MAP1B: variants seen among roughly 807,000 people sequenced by gnomAD.
MAP1B encodes microtubule-associated protein 1B.
In MAP1B, 12 loss-of-function variants were observed where a neutral mutation model predicts 176.1. That is an observed-to-expected ratio of 0.07 (90% CI 0.04 to 0.11). MAP1B has a LOEUF of 0.11. Ranked by LOEUF, MAP1B falls within the 10% of genes least tolerant of loss-of-function variation. The pLI, the probability that MAP1B is intolerant of heterozygous loss-of-function variation, is 1.00. For missense variants in MAP1B, 2,523 were observed against 2,990.5 expected, an observed-to-expected ratio of 0.84 and a Z score of 3.65; for synonymous variants, 1,044 against 1,135.0, an observed-to-expected ratio of 0.92 and a Z score of 1.61.
At chr5:72,118,553 A>G (rs1745471670) in intron 2 of MAP1B, among the ~76,000 whole-genome samples, 1 of 152,122 alleles carries the variant, frequency 6.6e-6, no homozygotes, top group Non-Finnish European at 1.5e-5. Flanking sequence ...TCATATACAG[A>G]CCAACATAAA....
chr5:72,159,088 AG>A (rs1434051447), intron 2 of MAP1B, among the ~76,000 whole-genome samples: 2 of 152,192 alleles, frequency 1.3e-5, no homozygotes, highest in African/African-American at 2.4e-5. Flanking sequence ...CCAAGGTCAT[AG>A]TTAGCAAGTT....
intron 2 of MAP1B, among the ~76,000 whole-genome samples, chr5:72,171,744 G>A (rs1350638655): frequency 6.6e-6 from 1 of 152,172 alleles, no homozygotes; most frequent in Admixed American, 6.5e-5. Context: ...GTAGAATCAG[G>A]ACTGTGCCCC....
chr5:72,145,565 C>T (rs2112159338), intron 2 of MAP1B, among the ~76,000 whole-genome samples: 1 of 152,246 alleles, frequency 6.6e-6, no homozygotes, highest in Middle Eastern at 3.4e-3. Context: ...TGTAATTATT[C>T]AGTGTTTGCA....
intron 2 of MAP1B, among the ~76,000 whole-genome samples, chr5:72,150,388 C>A (rs1269481019): frequency 6.6e-6 from 1 of 152,180 alleles, no homozygotes. Flanking sequence ...GCCGAAATGA[C>A]CCCAAACATT....
intron 2 of MAP1B, among the ~76,000 whole-genome samples, chr5:72,143,673 G>T (rs77298847): frequency 1.8e-3 from 275 of 152,204 alleles, no homozygotes; most frequent in African/African-American, 6.3e-3. Context: ...CAACTGGGTG[G>T]CGTAAGTAAC....
chr5:72,153,728 C>A (rs2046814780), intron 2 of MAP1B, among the ~76,000 whole-genome samples: 1 of 152,112 alleles, frequency 6.6e-6, no homozygotes, highest in Admixed American at 6.6e-5. Context: ...TCAATCAAGT[C>A]CTTTTTGGAA....
At position 72,169,351 on chromosome 5, in the gene MAP1B, T is replaced by C. The variant is rs190752638; in HGVS notation, c.287-14392T>C. 16 of 152,332 alleles carry C rather than the reference T, an allele frequency of 1.1e-4. 1 individual carries two copies. The highest frequency in any genetic ancestry group is 3.8e-4 in the African/African-American group (16 of 41,578). 9.4% of individuals were successfully genotyped at this position (152,332 alleles called of 1,614,324 possible). On this transcript the variant is annotated intron_variant, in intron 2 of 6. Coordinates refer to ENST00000296755, the MANE Select transcript of MAP1B (RefSeq NM_005909.5). The stretch of plus-strand genomic sequence containing the variant: ...CATGGCAGTGGGTTTCTTCTAATGA[T>C]GGCCCAGGTGTATATTTTTCAGATC...
chr5:72,127,742 G>A (rs533683251), intron 2 of MAP1B, among the ~76,000 whole-genome samples: 1 of 152,120 alleles, frequency 6.6e-6, no homozygotes, highest in Admixed American at 6.5e-5. Flanking sequence ...TGGATAATAC[G>A]TTTTGGTTAA....
chr5:72,142,509 C>T (rs184272716), intron 2 of MAP1B, among the ~76,000 whole-genome samples: 82 of 152,116 alleles, frequency 5.4e-4, no homozygotes, highest in Middle Eastern at 3.4e-3. Flanking sequence ...GACCGGAGCT[C>T]GCTGAGGAAT....
intron 2 of MAP1B, among the ~76,000 whole-genome samples, chr5:72,128,864 G>T (rs1282674407): frequency 6.6e-6 from 1 of 152,132 alleles, no homozygotes; most frequent in Non-Finnish European, 1.5e-5. Context: ...AGTTGCCCAG[G>T]CTGGTCTCAA....
intron 2 of MAP1B, among the ~76,000 whole-genome samples, chr5:72,150,620 T>C (rs994483986): frequency 6.6e-5 from 10 of 152,278 alleles, no homozygotes; most frequent in African/African-American, 2.2e-4. Flanking sequence ...CTAGTACCCA[T>C]TAGTTATTTT....
In MAP1B at chr5:72,198,970, A is replaced by G. The variant is rs1199323405; in HGVS notation, c.5615A>G (p.Tyr1872Cys). 1.9e-6 allele frequency: 3 copies of G among 1,614,196 alleles called. No individual in the cohort carries two copies. The highest frequency in any genetic ancestry group is 1.7e-6 in the Non-Finnish European group (2 of 1,180,026). The change falls in exon 5 of 7, where the codon TAT becomes TGT. Residue 1872 changes from tyrosine to cysteine, a missense_variant. Physicochemically the swap from Tyr to Cys is radical, Grantham distance 194. Transcript: ENST00000296755. ...ACACCTGGTGACTTTAGCTATGCCT[A>G]TCAAAAGCCTGAGGAAACAACCAGG... ...GKTPGDFSYA[Y>C]QKPEETTRSP... is the part of the protein sequence containing the mutation.
intron 2 of MAP1B, among the ~76,000 whole-genome samples, chr5:72,156,531 G>A (rs1357378844): frequency 6.6e-6 from 1 of 152,200 alleles, no homozygotes; most frequent in Non-Finnish European, 1.5e-5. Flanking sequence ...GATGCTTAAG[G>A]ACAGTAGAAA....
chr5:72,185,430 C>T (rs1367256278), intron 3 of MAP1B, among the ~76,000 whole-genome samples: 1 of 151,982 alleles, frequency 6.6e-6, no homozygotes, highest in East Asian at 1.9e-4. Flanking sequence ...CCTGTCTCTA[C>T]CAAAAATACA....
At chr5:72,172,980 T>G (rs953453311) in intron 2 of MAP1B, among the ~76,000 whole-genome samples, 2 of 152,214 alleles carry the variant, frequency 1.3e-5, no homozygotes, top group African/African-American at 2.4e-5. Flanking sequence ...AGCTTATTAG[T>G]TGAAAGCTTG....
At chr5:72,122,729 A>G (rs1745552915) in intron 2 of MAP1B, among the ~76,000 whole-genome samples, 1 of 151,758 alleles carries the variant, frequency 6.6e-6, no homozygotes, top group South Asian at 2.1e-4. Flanking sequence ...GCACTGTGGA[A>G]CCACTCAGCA....
chr5:72,124,994 C>T (rs566370877), intron 2 of MAP1B, among the ~76,000 whole-genome samples: 23 of 152,272 alleles, frequency 1.5e-4, no homozygotes, highest in African/African-American at 4.8e-4. Context: ...GGAACCCAGG[C>T]GAACAATGCT....
intron 2 of MAP1B, among the ~76,000 whole-genome samples, chr5:72,180,568 A>G (rs1460429499): frequency 2.0e-5 from 3 of 152,238 alleles, no homozygotes; most frequent in Admixed American, 6.5e-5. Context: ...GCAATGTCCA[A>G]TAAATTACAG....
intron 6 of MAP1B, among the ~76,000 whole-genome samples, 170 bp downstream of exon 6, chr5:72,203,971 C>G (rs901699204): frequency 6.6e-6 from 1 of 152,184 alleles, no homozygotes; most frequent in African/African-American, 2.4e-5. Flanking sequence ...GTTTAACACA[C>G]AGTAGGTAGT....
Sources: gnomAD v4.1 joint callset for allele counts (sites outside exome capture counted in the v4.1 genomes callset) on GRCh38, gnomAD v4.1.1 for gene constraint, MANE v1.5 for transcripts, NCBI Gene and HGNC (gene_info 2026-07-23, HGNC 2026-07-21) for gene names.